Variants in ARHGAP10 observed in about 807,000 individuals in gnomAD.
ARHGAP10 encodes the protein Rho GTPase activating protein 10.
A neutral mutation model predicts 108.6 loss-of-function variants in ARHGAP10; 87 were observed. That is an observed-to-expected ratio of 0.80 (90% CI 0.67 to 0.96). ARHGAP10 has a LOEUF of 0.96. Ranked by LOEUF, ARHGAP10 falls within the 40% of genes least tolerant of loss-of-function variation. The probability of loss-of-function intolerance (pLI) is 0.00; values close to 1 mark genes in which losing one functional copy is unlikely to be tolerated. For synonymous variants in ARHGAP10, 347 were observed against 341.1 expected (o/e 1.02, Z -0.19); for missense variants, 939 against 954.5 (o/e 0.98, Z 0.21).
intron 4 of ARHGAP10, among the ~76,000 whole-genome samples, chr4:147,856,912 G>A (rs1244048876): frequency 6.6e-6 from 1 of 152,200 alleles, no homozygotes; most frequent in African/African-American, 2.4e-5. Flanking sequence ...GAGTGCAGTG[G>A]TGTGATCTCG....
chr4:147,971,220 A>C lies in ARHGAP10; in HGVS notation c.1716+4381A>C, dbSNP rs948123819. 3.3e-5 allele frequency among the ~76,000 whole-genome samples: 5 copies of C among 152,024 alleles called. No homozygotes were observed. The East Asian group carries it at 5.8e-4, about 18-fold the overall frequency. On this transcript the variant is annotated intron_variant, in intron 18 of 22. Transcript: ENST00000336498. Reference sequence around the variant, plus strand: ...GCTGTGAACTTTTCAAGGATTTTCAAATTGGGGTTGTGCCTTAGGATTTGT... The same window carrying C: ...GCTGTGAACTTTTCAAGGATTTTCACATTGGGGTTGTGCCTTAGGATTTGT...
chr4:147,778,711 C>T (rs1730409486), intron 1 of ARHGAP10, among the ~76,000 whole-genome samples: 1 of 152,168 alleles, frequency 6.6e-6, no homozygotes, highest in Non-Finnish European at 1.5e-5. Flanking sequence ...GATGTCGCTC[C>T]TTTTTGCTCC....
At position 148,041,777 on chromosome 4, in the gene ARHGAP10, T is replaced by C. The variant is rs1311792426; in HGVS notation, c.1868-5115T>C. 2.0e-5 allele frequency among the ~76,000 whole-genome samples: 3 copies of C among 152,162 alleles called. No individual in the cohort carries two copies. In the East Asian group the frequency reaches 5.8e-4, roughly 29 times the overall value. On this transcript the variant is annotated intron_variant, in intron 19 of 22. Transcript: ENST00000336498. ...TGTCCTCTTGACCAATTGTGGTCAGTTTTTATGAGAATTGATGTTTGTTCA... is the reference window on the plus strand; with the variant it reads ...TGTCCTCTTGACCAATTGTGGTCAGCTTTTATGAGAATTGATGTTTGTTCA...
intron 1 of ARHGAP10, among the ~76,000 whole-genome samples, chr4:147,739,366 A>C (rs1728559318): frequency 6.6e-6 from 1 of 152,224 alleles, no homozygotes; most frequent in Non-Finnish European, 1.5e-5. Context: ...GGCAGTCAGC[A>C]GCAGGCCTTT....
chr4:148,005,407 G>C (rs1740907381), intron 18 of ARHGAP10, among the ~76,000 whole-genome samples: 1 of 151,900 alleles, frequency 6.6e-6, no homozygotes. Flanking sequence ...AACATAGCGA[G>C]ACCCCATCTC....
At chr4:147,919,904 C>T (rs1445237131) in intron 13 of ARHGAP10, among the ~76,000 whole-genome samples, 2 of 152,052 alleles carry the variant, frequency 1.3e-5, no homozygotes, top group African/African-American at 2.4e-5. Context: ...GCCAGGCTCT[C>T]ATACCCTGTC....
chr4:147,957,199 G>A (rs79841688), intron 16 of ARHGAP10, among the ~76,000 whole-genome samples: 2,542 of 152,242 alleles, frequency 0.017, 54 homozygotes, highest in South Asian at 0.089. Flanking sequence ...CCTAAGTGCC[G>A]TTGTGGTTGG....
intron 19 of ARHGAP10, among the ~76,000 whole-genome samples, chr4:148,025,583 T>G (rs1741735171): frequency 6.6e-6 from 1 of 151,936 alleles, no homozygotes; most frequent in African/African-American, 2.4e-5. Context: ...TTTTTATATT[T>G]TACATATTCT....
chr4:147,905,314 A>C (rs1317986490), intron 10 of ARHGAP10, among the ~76,000 whole-genome samples: 10,033 of 147,494 alleles, frequency 0.068, 981 homozygotes, highest in African/African-American at 0.22. Context: ...GCCCATGCCT[A>C]TGTCCTGAAT....
intron 22 of ARHGAP10, among the ~76,000 whole-genome samples, chr4:148,070,842 T>C (rs796210973): frequency 1.3e-5 from 2 of 152,072 alleles, no homozygotes; most frequent in South Asian, 4.1e-4. Flanking sequence ...CTGACCATGG[T>C]TGGGGGTTTG....
intron 18 of ARHGAP10, among the ~76,000 whole-genome samples, chr4:147,975,608 C>T (rs1739563450): frequency 6.6e-6 from 1 of 152,190 alleles, no homozygotes; most frequent in African/African-American, 2.4e-5. Flanking sequence ...AGACAGAGTG[C>T]ATGTGCAAGT....
chr4:147,789,380 C>T (rs773206991), intron 1 of ARHGAP10, among the ~76,000 whole-genome samples: 76 of 152,230 alleles, frequency 5.0e-4, no homozygotes, highest in Non-Finnish European at 8.7e-4. Flanking sequence ...ACCTCTGCCT[C>T]CCCGGTTCAA....
intron 18 of ARHGAP10, among the ~76,000 whole-genome samples, chr4:148,004,440 G>T (rs928868562): frequency 6.6e-6 from 1 of 152,178 alleles, no homozygotes; most frequent in South Asian, 2.1e-4. Context: ...CAGTGACCCA[G>T]GCCCTTGTGT....
intron 18 of ARHGAP10, among the ~76,000 whole-genome samples, chr4:147,996,213 A>G (rs28552498): frequency 0.15 from 22,366 of 152,200 alleles, 2,710 homozygotes; most frequent in African/African-American, 0.33. Flanking sequence ...TAGCTAGGAT[A>G]TGGCCTATGG....
intron 13 of ARHGAP10, among the ~76,000 whole-genome samples, chr4:147,938,013 C>T (rs563679684): frequency 1.7e-4 from 26 of 152,134 alleles, no homozygotes; most frequent in Admixed American, 1.1e-3. Context: ...TAAAGTACCA[C>T]GGACTACTAT....
intron 3 of ARHGAP10, among the ~76,000 whole-genome samples, chr4:147,824,055 C>A (rs1020465557): frequency 6.6e-6 from 1 of 152,076 alleles, no homozygotes; most frequent in East Asian, 1.9e-4. Flanking sequence ...CGAGGTGGCT[C>A]ATGCCTGTAA....
intron 1 of ARHGAP10, among the ~76,000 whole-genome samples, chr4:147,808,256 T>G (rs1031614159): frequency 6.6e-6 from 1 of 151,080 alleles, no homozygotes; most frequent in African/African-American, 2.4e-5. Flanking sequence ...TTGGAGAAGG[T>G]GAGAGAAGTG....
chr4:147,858,335 A>C (rs2126834185), intron 5 of ARHGAP10: 2 of 86,360 alleles, frequency 2.3e-5, no homozygotes, highest in South Asian at 1.1e-3. Flanking sequence ...CTCATCCCAC[A>C]AAATTGTATT....
intron 1 of ARHGAP10, among the ~76,000 whole-genome samples, chr4:147,761,605 T>C (rs1304174183): frequency 2.0e-5 from 3 of 152,256 alleles, no homozygotes; most frequent in Non-Finnish European, 4.4e-5. Context: ...AAGGAAGGAA[T>C]GTTTTTGTTG....
Sources: allele counts gnomAD v4.1 joint callset (sites outside exome capture counted in the v4.1 genomes callset), GRCh38; gene constraint gnomAD v4.1.1; transcripts MANE v1.5; gene names NCBI Gene and HGNC (gene_info 2026-07-23, HGNC 2026-07-21).